The following LPAR3 variants were observed in gnomAD, a reference collection of about 807,000 sequenced individuals.
LPAR3 encodes lysophosphatidic acid receptor 3, also known as LPA receptor 3.
A neutral mutation model predicts 17.8 loss-of-function variants in LPAR3; 7 were observed. The ratio of observed to expected loss-of-function variants is 0.39; its 90% CI spans 0.22 to 0.74. The LOEUF is 0.74. LPAR3 is among the 30% of genes least tolerant of loss of function. The probability of loss-of-function intolerance (pLI) is 0.40; values close to 1 mark genes in which losing one functional copy is unlikely to be tolerated. For missense variants in LPAR3, 391 were observed against 453.4 expected, an observed-to-expected ratio of 0.86 and a Z score of 1.25; for synonymous variants, 179 against 179.9, an observed-to-expected ratio of 0.99 and a Z score of 0.04.
chr1:84,888,343 T>C (rs1660497227), intron 1 of LPAR3, among the ~76,000 whole-genome samples: 1 of 152,172 alleles, frequency 6.6e-6, no homozygotes. Context: ...CTTACCCCCA[T>C]TCGACGAACT....
chr1:84,875,225 A>G (rs1557607398), intron 1 of LPAR3, among the ~76,000 whole-genome samples: 1 of 152,210 alleles, frequency 6.6e-6, no homozygotes, highest in Non-Finnish European at 1.5e-5. Context: ...TAAAGTGTGA[A>G]CATTCACAGC....
At chr1:84,841,512 T>G (rs940509588) in intron 2 of LPAR3, among the ~76,000 whole-genome samples, 1 of 152,174 alleles carries the variant, frequency 6.6e-6, no homozygotes, top group Non-Finnish European at 1.5e-5. Flanking sequence ...TACTTTCAGG[T>G]CATTTAATGT....
At chr1:84,877,771 A>G (rs1660285866) in intron 1 of LPAR3, among the ~76,000 whole-genome samples, 1 of 152,202 alleles carries the variant, frequency 6.6e-6, no homozygotes, top group Non-Finnish European at 1.5e-5. Flanking sequence ...TTCTTCACCT[A>G]CGTGTCAGCC....
chr1:84,823,099 G>A (rs72718706), intron 2 of LPAR3, among the ~76,000 whole-genome samples: 1 of 152,112 alleles, frequency 6.6e-6, no homozygotes, highest in Admixed American at 6.5e-5. Context: ...TAAAAGTCAG[G>A]TTTGTGGACC....
intron 2 of LPAR3, among the ~76,000 whole-genome samples, chr1:84,848,523 C>G (rs1363249491): frequency 6.6e-6 from 1 of 152,208 alleles, no homozygotes; most frequent in Non-Finnish European, 1.5e-5. Flanking sequence ...CCTCCCTGAG[C>G]TGCAAGTTGC....
intron 2 of LPAR3, among the ~76,000 whole-genome samples, chr1:84,844,302 G>C (rs549396643): frequency 1.3e-5 from 2 of 152,256 alleles, no homozygotes; most frequent in African/African-American, 4.8e-5. Flanking sequence ...AGATAGTTCT[G>C]GTCTTTTCAA....
intron 1 of LPAR3, among the ~76,000 whole-genome samples, chr1:84,880,047 G>T (rs1023135443): frequency 2.0e-5 from 3 of 152,174 alleles, no homozygotes; most frequent in Admixed American, 1.3e-4. Flanking sequence ...ACATCACAAT[G>T]TGCTGGGTGT....
chr1:84,825,047 GC>G (rs957267065), intron 2 of LPAR3, among the ~76,000 whole-genome samples: 1 of 152,188 alleles, frequency 6.6e-6, no homozygotes, highest in African/African-American at 2.4e-5. Flanking sequence ...CTATTTCTCT[GC>G]TCCCAGTATC....
At chr1:84,862,087 T>C (rs1176375171) in intron 2 of LPAR3, among the ~76,000 whole-genome samples, 1 of 152,204 alleles carries the variant, frequency 6.6e-6, no homozygotes, top group Admixed American at 6.5e-5. Flanking sequence ...AGTTTTCTTT[T>C]TAAGCAGGCG....
intron 2 of LPAR3, among the ~76,000 whole-genome samples, chr1:84,824,222 A>C (rs1480375250): frequency 5.3e-5 from 8 of 152,166 alleles, no homozygotes; most frequent in African/African-American, 1.9e-4. Context: ...AGGAGTATGA[A>C]TGAAGTGGCA....
At position 84,877,773 on chromosome 1, in the gene LPAR3, G is replaced by A. The variant is rs558053275; in HGVS notation, c.-18-11635C>T. Among the ~76,000 whole-genome samples, 5 of 152,264 alleles carry A rather than the reference G, an allele frequency of 3.3e-5. No individual in the cohort carries two copies. In the East Asian group the frequency reaches 5.8e-4, roughly 18 times the overall value. On this transcript the variant is annotated intron_variant, in intron 1 of 2. Coordinates refer to ENST00000370611, the MANE Select transcript of LPAR3 (RefSeq NM_012152.3). Reference sequence around the variant, plus strand: ...CACTGTATATGCATTCTTCACCTACGTGTCAGCCTTTACCACCAGACCATG... The same window carrying A: ...CACTGTATATGCATTCTTCACCTACATGTCAGCCTTTACCACCAGACCATG...
chr1:84,861,483 G>T (rs574913724), intron 2 of LPAR3, among the ~76,000 whole-genome samples: 44 of 152,172 alleles, frequency 2.9e-4, no homozygotes, highest in African/African-American at 1.0e-3. Context: ...TGTCATAAAG[G>T]ATAATTGAAC....
At chr1:84,860,163 C>A in intron 2 of LPAR3, among the ~76,000 whole-genome samples, 1 of 152,152 alleles carries the variant, frequency 6.6e-6, no homozygotes, top group Non-Finnish European at 1.5e-5. Context: ...GCCTTGATGC[C>A]TTTCCAATCA....
intron 2 of LPAR3, among the ~76,000 whole-genome samples, chr1:84,855,096 C>T (rs992243450): frequency 2.0e-5 from 3 of 152,166 alleles, no homozygotes; most frequent in Non-Finnish European, 4.4e-5. Flanking sequence ...TCCCTTACCC[C>T]TTATCCCAGC....
chr1:84,837,768 T>C (rs1337016897), intron 2 of LPAR3, among the ~76,000 whole-genome samples: 1 of 152,224 alleles, frequency 6.6e-6, no homozygotes, highest in Non-Finnish European at 1.5e-5. Flanking sequence ...CTTTCTTTTA[T>C]ATACCACTTC....
At chr1:84,885,341 T>C (rs965231793) in intron 1 of LPAR3, among the ~76,000 whole-genome samples, 4 of 152,134 alleles carry the variant, frequency 2.6e-5, no homozygotes, top group African/African-American at 7.2e-5. Context: ...TGCTATCAGA[T>C]TGATAACATT....
At chr1:84,873,467 A>G (rs1283476476) in intron 1 of LPAR3, among the ~76,000 whole-genome samples, 2 of 152,248 alleles carry the variant, frequency 1.3e-5, no homozygotes, top group Non-Finnish European at 2.9e-5. Flanking sequence ...GTCTTTCATA[A>G]GCAGTTACTT....
intron 2 of LPAR3, among the ~76,000 whole-genome samples, chr1:84,819,579 G>A (rs1659010564): frequency 6.6e-6 from 1 of 152,024 alleles, no homozygotes; most frequent in Non-Finnish European, 1.5e-5. Flanking sequence ...TATAGACTTA[G>A]CAAAAAGCCA....
intron 2 of LPAR3, among the ~76,000 whole-genome samples, chr1:84,835,624 G>A (rs1389148948): frequency 6.6e-6 from 1 of 152,022 alleles, no homozygotes; most frequent in Non-Finnish European, 1.5e-5. Context: ...CACATATTTT[G>A]CCACTTACAA....
Sources: gnomAD v4.1 joint callset for allele counts (sites outside exome capture counted in the v4.1 genomes callset) on GRCh38, gnomAD v4.1.1 for gene constraint, MANE v1.5 for transcripts, NCBI Gene and HGNC (gene_info 2026-07-23, HGNC 2026-07-21) for gene names.